The following SLC4A4 variants were observed in gnomAD, a reference collection of about 807,000 sequenced individuals.
The protein encoded by SLC4A4 is electrogenic sodium bicarbonate cotransporter 1.
In SLC4A4, 27 loss-of-function variants were observed where a neutral mutation model predicts 111.5. That is an observed-to-expected ratio of 0.24 (90% CI 0.18 to 0.33). The LOEUF (loss-of-function observed/expected upper bound fraction) is 0.33. Among genes scored for constraint, SLC4A4 ranks in the 10% least tolerant of loss-of-function variants. SLC4A4 has a pLI of 1.00. For synonymous variants in SLC4A4, 443 were observed against 463.4 expected (o/e 0.96, Z 0.57); for missense variants, 909 against 1,315.5 (o/e 0.69, Z 4.78).
intron 16 of SLC4A4, among the ~76,000 whole-genome samples, chr4:71,520,954 T>G (rs1326260540): frequency 1.3e-5 from 2 of 152,082 alleles, no homozygotes; most frequent in African/African-American, 4.8e-5. Flanking sequence ...ACTCCTGGCC[T>G]TGAGTGATCC....
chr4:71,338,966 T>C, intron 3 of SLC4A4: 1 of 998,286 alleles, frequency 1.0e-6, no homozygotes. Context: ...ATTGGGGTAC[T>C]TTGTTGTCCC....
At chr4:71,504,646 A>C (rs1466210912) in intron 16 of SLC4A4, among the ~76,000 whole-genome samples, 1 of 122,224 alleles carries the variant, frequency 8.2e-6, no homozygotes, top group East Asian at 2.3e-4. Flanking sequence ...CTCCTACTGA[A>C]GACTTATTGT....
chr4:71,065,428 A>G (rs995873752), intron 1 of SLC4A4, among the ~76,000 whole-genome samples: 1 of 140,678 alleles, frequency 7.1e-6, no homozygotes, highest in African/African-American at 2.5e-5. Flanking sequence ...GTTATACATG[A>G]TAATGGTGAT....
At chr4:71,144,747 T>C (rs1461977011) in intron 2 of SLC4A4, among the ~76,000 whole-genome samples, 5 of 152,160 alleles carry the variant, frequency 3.3e-5, no homozygotes, top group Non-Finnish European at 7.3e-5. Flanking sequence ...GGTTCTCTGT[T>C]AGTCTGTTGT....
intron 2 of SLC4A4, among the ~76,000 whole-genome samples, chr4:71,135,269 A>C (rs908037657): frequency 1.3e-5 from 2 of 149,010 alleles, no homozygotes; most frequent in Non-Finnish European, 3.0e-5. Flanking sequence ...TCACATACTA[A>C]TTTTTGTGGT....
intron 15 of SLC4A4, among the ~76,000 whole-genome samples, chr4:71,497,229 G>A (rs1192906175): frequency 6.6e-6 from 1 of 152,044 alleles, no homozygotes; most frequent in Non-Finnish European, 1.5e-5. Flanking sequence ...AGTACTTTGT[G>A]GTTTCTATTG....
chr4:71,075,380 G>A (rs1288219903), intron 1 of SLC4A4, among the ~76,000 whole-genome samples: 4 of 152,126 alleles, frequency 2.6e-5, no homozygotes, highest in African/African-American at 9.7e-5. Context: ...CAAAGGAAAT[G>A]CAATCCTATT....
intron 2 of SLC4A4, among the ~76,000 whole-genome samples, chr4:71,114,423 C>T (rs1259887659): frequency 3.4e-5 from 5 of 147,422 alleles, no homozygotes; most frequent in African/African-American, 7.5e-5. Flanking sequence ...AGAAAATTTT[C>T]GCAACCTACT....
intron 1 of SLC4A4, among the ~76,000 whole-genome samples, chr4:71,088,803 G>T (rs547322673): frequency 6.6e-6 from 1 of 152,054 alleles, no homozygotes; most frequent in East Asian, 1.9e-4. Context: ...TTCCTTTGTG[G>T]GTAACCCGAC....
chr4:71,134,580 G>T (rs973930673), intron 2 of SLC4A4, among the ~76,000 whole-genome samples: 7 of 152,162 alleles, frequency 4.6e-5, no homozygotes, highest in African/African-American at 1.2e-4. Context: ...TACTTCTCTT[G>T]CCACTTGCTT....
intron 6 of SLC4A4, among the ~76,000 whole-genome samples, chr4:71,366,432 C>G (rs1731332549): frequency 6.6e-6 from 1 of 151,198 alleles, no homozygotes; most frequent in South Asian, 2.1e-4. Flanking sequence ...CAAGTTGATT[C>G]TCAAGGGGAA....
chr4:71,387,652 G>A (rs996646986), intron 6 of SLC4A4, among the ~76,000 whole-genome samples: 6 of 151,990 alleles, frequency 3.9e-5, no homozygotes, highest in South Asian at 2.1e-4. Context: ...GCACCACCAC[G>A]CCTGGCTAAT....
At chr4:71,493,305 G>A (rs1038608799) in intron 15 of SLC4A4, among the ~76,000 whole-genome samples, 3 of 151,708 alleles carry the variant, frequency 2.0e-5, no homozygotes, top group Admixed American at 6.6e-5. Context: ...AATGTAACTG[G>A]GCATCCTACA....
chr4:71,420,083 T>C (rs1211816705), intron 7 of SLC4A4, among the ~76,000 whole-genome samples: 1 of 152,158 alleles, frequency 6.6e-6, no homozygotes, highest in Non-Finnish European at 1.5e-5. Context: ...AGTTAAAAAC[T>C]TTGAAACAAA....
At chr4:71,453,473 T>C (rs748916431) in intron 11 of SLC4A4, 22 bp from the exon 12 acceptor site, 2 of 1,610,796 alleles carry the variant, frequency 1.2e-6, no homozygotes, top group East Asian at 2.2e-5. Flanking sequence ...ATTTAGTGGA[T>C]GTTTGCATTC....
In SLC4A4 at chr4:71,086,548, A is replaced by G. The variant is rs1288517324; in HGVS notation, c.-64-6182A>G. On this transcript the variant is annotated intron_variant, in intron 1 of 26. Coordinates refer to the SLC4A4 transcript ENST00000649996. ...GTGATATTGGCTGTGGGTTTATCAT[A>G]GATAGCTCTTATTATTTTGAGATAT... Among the ~76,000 whole-genome samples, 6 of 152,028 alleles carry G rather than the reference A, an allele frequency of 3.9e-5. No homozygotes were observed. The East Asian group carries it at 1.2e-3, about 29-fold the overall frequency.
intron 3 of SLC4A4, among the ~76,000 whole-genome samples, chr4:71,283,916 T>A (rs1002613767): frequency 5.3e-5 from 8 of 152,206 alleles, no homozygotes; most frequent in Non-Finnish European, 8.8e-5. Context: ...TGCTTCCTTA[T>A]GCTAAATGAG....
At chr4:71,444,764 C>T (rs540892328) in intron 8 of SLC4A4, among the ~76,000 whole-genome samples, 120 of 152,276 alleles carry the variant, frequency 7.9e-4, no homozygotes, top group African/African-American at 2.7e-3. Context: ...TCAGTTTTCT[C>T]GGATTTCTCA....
chr4:71,432,034 C>G (rs1019276428), intron 7 of SLC4A4, among the ~76,000 whole-genome samples: 2 of 152,052 alleles, frequency 1.3e-5, no homozygotes, highest in African/African-American at 4.8e-5. Context: ...GGAAAAGACA[C>G]TTTGGCAAAA....
Sources: gnomAD v4.1 joint callset for allele counts (sites outside exome capture counted in the v4.1 genomes callset) on GRCh38, gnomAD v4.1.1 for gene constraint, MANE v1.5 for transcripts, NCBI Gene and HGNC (gene_info 2026-07-23, HGNC 2026-07-21) for gene names.